Variants in EML2 observed in about 807,000 individuals in gnomAD.
EML2 encodes echinoderm microtubule-associated protein-like 2.
EML2 carries 59 observed loss-of-function variants against 84.7 expected under a neutral mutation model. The observed-to-expected ratio is 0.70, with a 90% confidence interval of 0.56 to 0.86. The LOEUF (loss-of-function observed/expected upper bound fraction) is 0.86. Among genes scored for constraint, EML2 ranks in the 40% least tolerant of loss-of-function variants. The pLI, the probability that EML2 is intolerant of heterozygous loss-of-function variation, is 0.00. For synonymous variants in EML2, 352 were observed against 348.9 expected, an observed-to-expected ratio of 1.01 and a Z score of -0.10; for missense variants, 818 against 855.6, an observed-to-expected ratio of 0.96 and a Z score of 0.55.
rs1049956725 is a variant in EML2 at position 45,620,927 on chromosome 19, C to A, written c.1122+280G>T. On this transcript the variant is annotated intron_variant, in intron 11 of 18. Transcript: ENST00000245925. ...GGCCAGGGTGTCTGCAGCTGTGGGA[C>A]AACCTGTAGGGACACTCACCAACCT... The A allele has an allele frequency of 1.1e-5, 6 of 529,670 alleles. No individual in the cohort carries two copies. In the African/African-American group the frequency reaches 1.1e-4, roughly 10 times the overall value. The allele number at this position is 529,670 out of a possible 1,614,324, so 32.8% of individuals were successfully genotyped here. A position where few individuals can be genotyped will look rare whatever the true frequency, so the allele number is the denominator to read the frequency against.
At chr19:45,617,718 G>T (rs1393296435) in intron 12 of EML2, 21 bp from the exon 13 acceptor site, 1 of 1,611,328 alleles carries the variant, frequency 6.2e-7, no homozygotes, top group Non-Finnish European at 8.5e-7. Context: ...AGAGAGAAGA[G>T]GCAGGGCTCA....
upstream of EML2, chr19:45,643,729 C>T: frequency 1.3e-6 from 2 of 1,527,516 alleles, no homozygotes; most frequent in Admixed American, 2.0e-5. Flanking sequence ...CTCCGCAGTG[C>T]AGCCGCCGCT....
chr19:45,639,164 A>C (rs1454205627), intron 1 of EML2, 193 bp downstream of exon 1: 1 of 672,980 alleles, frequency 1.5e-6, no homozygotes, highest in East Asian at 2.9e-5. Flanking sequence ...CTAATCAGCA[A>C]GGTGCTCCCC....
At chr19:45,632,778 C>A in intron 6 of EML2, 83 bp downstream of exon 6, 1 of 1,243,082 alleles carries the variant, frequency 8.0e-7, no homozygotes. Flanking sequence ...CGGCCCTCAA[C>A]CCAAGGGGCG....
intron 6 of EML2, among the ~76,000 whole-genome samples, chr19:45,631,256 C>G (rs1371784022): frequency 1.3e-5 from 2 of 152,150 alleles, no homozygotes; most frequent in East Asian, 3.8e-4. Flanking sequence ...CTACCCCAAG[C>G]TCTTAAATGT....
chr19:45,616,096 C>A (rs1212653380), intron 15 of EML2: 2 of 585,568 alleles, frequency 3.4e-6, no homozygotes, highest in Admixed American at 2.9e-5. Flanking sequence ...CAGGGCTAGA[C>A]AAAAAGCACT....
intron 7 of EML2, among the ~76,000 whole-genome samples, chr19:45,627,182 C>T (rs1308434196): frequency 6.6e-6 from 1 of 151,704 alleles, no homozygotes; most frequent in Non-Finnish European, 1.5e-5. Context: ...TGGTCTCGAA[C>T]TCTTTACCTC....
upstream of EML2, chr19:45,641,867 G>C (rs1016733519): frequency 1.8e-5 from 27 of 1,474,238 alleles, no homozygotes; most frequent in Non-Finnish European, 2.2e-5. Context: ...AACCACCTCT[G>C]TCTCCCACGA....
chr19:45,635,741 C>A (rs759543591), intron 3 of EML2, among the ~76,000 whole-genome samples: 1 of 151,596 alleles, frequency 6.6e-6, no homozygotes, highest in Non-Finnish European at 1.5e-5. Context: ...TATAGGCATG[C>A]GCCACCATGC....
chr19:45,622,651 G>C (rs181860399), intron 9 of EML2, among the ~76,000 whole-genome samples: 1 of 152,068 alleles, frequency 6.6e-6, no homozygotes, highest in South Asian at 2.1e-4. Flanking sequence ...GGCTGGTCTC[G>C]AACTCTTTGA....
intron 4 of EML2, among the ~76,000 whole-genome samples, chr19:45,633,678 C>T (rs897285075): frequency 1.3e-5 from 2 of 151,936 alleles, no homozygotes; most frequent in Non-Finnish European, 2.9e-5. Flanking sequence ...GCGGAGGTTG[C>T]AGTGAGTCGA....
chr19:45,628,467 C>A (rs1684734303), intron 7 of EML2, among the ~76,000 whole-genome samples: 1 of 152,128 alleles, frequency 6.6e-6, no homozygotes, highest in South Asian at 2.1e-4. Context: ...TCACCTAGCC[C>A]TAATTCCAGA....
At chr19:45,641,623 C>G (rs1394207706), upstream of EML2, 4 of 1,534,224 alleles carry the variant, frequency 2.6e-6, no homozygotes, top group East Asian at 7.3e-5. Context: ...TGCGGCTTGA[C>G]GCCGCCCCAG....
chr19:45,634,583 A>G (rs1412862866), intron 3 of EML2, 112 bp from the exon 4 acceptor site: 1 of 791,922 alleles, frequency 1.3e-6, no homozygotes, highest in Non-Finnish European at 1.6e-6. Context: ...TTTTTTTGAG[A>G]TGGAGTCTCA....
At position 45,616,571 on chromosome 19, in the gene EML2, G is replaced by T. The variant is rs1279746504; in HGVS notation, c.1412-13C>A. 1 of 1,603,116 alleles carries T rather than the reference G, an allele frequency of 6.2e-7. No individual in the cohort carries two copies. Among genetic ancestry groups the T allele is most frequent in the Non-Finnish European group, 8.5e-7 (1 of 1,171,400 alleles). ...AGGTACGCCCCGTCTGGGGGAGGGG[G>T]AGGGGGGCTATGAGGAGGCACCCAG... On this transcript the variant is annotated splice_polypyrimidine_tract_variant and intron_variant, in intron 14 of 18. Coordinates refer to ENST00000245925, the MANE Select transcript of EML2 (RefSeq NM_012155.4).
chr19:45,643,736 C>T (rs549525987), upstream of EML2: 3 of 1,526,252 alleles, frequency 2.0e-6, no homozygotes, highest in African/African-American at 1.4e-5. Flanking sequence ...GTGCAGCCGC[C>T]GCTCCTCCCT....
chr19:45,612,619 A>C (rs1970609651), intron 18 of EML2, among the ~76,000 whole-genome samples: 1 of 152,136 alleles, frequency 6.6e-6, no homozygotes, highest in East Asian at 1.9e-4. Context: ...GGCTGCAGTG[A>C]GCCGAGATTG....
At chr19:45,644,909 C>A, upstream of EML2, 1 of 433,286 alleles carries the variant, frequency 2.3e-6, no homozygotes. Context: ...CTGTCTGTCC[C>A]CCTGCTATGG....
upstream of EML2, chr19:45,642,473 T>A (rs1004073927): frequency 1.2e-4 from 172 of 1,442,838 alleles, no homozygotes; most frequent in Non-Finnish European, 1.5e-4. Context: ...TCCCGCTACC[T>A]GGGGCTGGGA....
Sources: allele counts gnomAD v4.1 joint callset (sites outside exome capture counted in the v4.1 genomes callset), GRCh38; gene constraint gnomAD v4.1.1; transcripts MANE v1.5; gene names NCBI Gene and HGNC (gene_info 2026-07-23, HGNC 2026-07-21).